PCNX2: variants seen among roughly 807,000 people sequenced by gnomAD.
PCNX2 encodes pecanex 2, also known as pecanex-like protein 2.
In PCNX2, 168 loss-of-function variants were observed where a neutral mutation model predicts 223.8. That is an observed-to-expected ratio of 0.75 (90% CI 0.66 to 0.85). The LOEUF is 0.85. Among genes scored for constraint, PCNX2 ranks in the 40% least tolerant of loss-of-function variants. The pLI is 0.00. For missense variants in PCNX2, 2,507 were observed against 2,675.5 expected, an observed-to-expected ratio of 0.94 and a Z score of 1.39; for synonymous variants, 1,006 against 1,052.6, an observed-to-expected ratio of 0.96 and a Z score of 0.86.
chr1:233,057,343 AAG>A, intron 23 of PCNX2, 53 bp from the exon 24 acceptor site: 5 of 1,434,276 alleles, frequency 3.5e-6, no homozygotes, highest in Non-Finnish European at 4.9e-6. Flanking sequence ...CCCCAAGCAG[AAG>A]AGTTGGTTTA....
the PCNX2 span, among the ~76,000 whole-genome samples, chr1:233,319,797 A>C: frequency 6.6e-6 from 1 of 152,206 alleles, no homozygotes; most frequent in African/African-American, 2.4e-5. Context: ...ACTATCAATC[A>C]CTTCTGTATT....
intron 33 of PCNX2, 78 bp from the exon 34 acceptor site, chr1:232,984,555 C>T (rs1487286906): frequency 6.4e-5 from 95 of 1,482,238 alleles, no homozygotes; most frequent in Non-Finnish European, 6.9e-5. Flanking sequence ...CACCCCCATC[C>T]GTGCTGTGGG....
intron 21 of PCNX2, among the ~76,000 whole-genome samples, chr1:233,096,280 A>G (rs1303312071): frequency 1.3e-5 from 2 of 152,214 alleles, no homozygotes; most frequent in African/African-American, 4.8e-5. Flanking sequence ...CTACTGGAGA[A>G]AATAGCTCCA....
At chr1:233,279,955 C>G (rs1376966323) in intron 1 of PCNX2, among the ~76,000 whole-genome samples, 1 of 152,140 alleles carries the variant, frequency 6.6e-6, no homozygotes, top group Non-Finnish European at 1.5e-5. Flanking sequence ...TAACTATGTT[C>G]TTATTAACGT....
intron 13 of PCNX2, among the ~76,000 whole-genome samples, chr1:233,204,475 A>G (rs1681328110): frequency 6.6e-6 from 1 of 152,140 alleles, no homozygotes; most frequent in African/African-American, 2.4e-5. Context: ...TTTTCTCCCA[A>G]TGTTTTTCTT....
chr1:233,197,949 C>A (rs79651904), intron 15 of PCNX2, among the ~76,000 whole-genome samples: 1 of 151,808 alleles, frequency 6.6e-6, no homozygotes, highest in Non-Finnish European at 1.5e-5. Flanking sequence ...ACTGTTAAAC[C>A]GTAAGTCCAG....
intron 12 of PCNX2, chr1:233,211,935 G>T (rs559987400): frequency 1.2e-3 from 435 of 369,432 alleles, no homozygotes; most frequent in South Asian, 2.6e-3. Context: ...CGAAAACCCA[G>T]ACATTCTCTG....
At chr1:233,002,947 G>A (rs1670140994) in intron 28 of PCNX2, among the ~76,000 whole-genome samples, 1 of 152,194 alleles carries the variant, frequency 6.6e-6, no homozygotes, top group South Asian at 2.1e-4. Context: ...AAACTGGCTA[G>A]CCATACGCAG....
intron 23 of PCNX2, 62 bp downstream of exon 23, chr1:233,089,999 A>T (rs774543671): frequency 3.7e-6 from 6 of 1,607,642 alleles, no homozygotes; most frequent in Non-Finnish European, 5.1e-6. Context: ...AGAGGAAGGC[A>T]GAGGAGCCTT....
At chr1:233,304,164 G>T in the PCNX2 span, among the ~76,000 whole-genome samples, 1 of 152,194 alleles carries the variant, frequency 6.6e-6, no homozygotes, top group African/African-American at 2.4e-5. Context: ...ATTTCCAATA[G>T]AGGTGGAATT....
rs1200231519 is a variant in PCNX2 at position 233,001,564 on chromosome 1, A to G, written c.5070T>C (p.Ala1690=). 3.4e-6 allele frequency: 5 copies of G among 1,480,154 alleles called. No individual in the cohort carries two copies. The highest frequency in any genetic ancestry group is 1.5e-5 in the South Asian group (1 of 68,072). The allele number at this position is 1,480,154 out of a possible 1,614,324, so 91.7% of individuals were successfully genotyped here. ...GGTGAAGTTTCAGGGACATCCTGAT[A>G]GCTGGAGCTACAACTTTATGCAGTA... ...MDLLHKVVAP[A]IRMSLKLHQD... is the part of the protein sequence containing the mutation. The change falls in exon 29 of 34, where the codon GCT becomes GCC. Residue 1690 remains alanine, a synonymous_variant. Transcript: ENST00000258229. The surrounding 1 kb of genome is among the most constrained non-coding windows in gnomAD (Gnocchi z 4.2).
intron 28 of PCNX2, among the ~76,000 whole-genome samples, chr1:233,004,581 T>C (rs971936443): frequency 5.9e-5 from 9 of 152,072 alleles, no homozygotes; most frequent in African/African-American, 1.9e-4. Context: ...ACAGCGTCCC[T>C]GACAGGGCCG....
At chr1:233,188,819 C>T (rs994603012) in intron 15 of PCNX2, among the ~76,000 whole-genome samples, 7 of 152,204 alleles carry the variant, frequency 4.6e-5, no homozygotes, top group African/African-American at 1.4e-4. Flanking sequence ...CCGCACCGGG[C>T]AATCTCCCTT....
At chr1:233,040,217 C>T (rs987821938) in intron 25 of PCNX2, among the ~76,000 whole-genome samples, 6 of 152,154 alleles carry the variant, frequency 3.9e-5, no homozygotes, top group African/African-American at 1.4e-4. Context: ...ACAGATCTCA[C>T]CATGAGAAAA....
chr1:233,143,978 T>C (rs1280480595), intron 19 of PCNX2, among the ~76,000 whole-genome samples: 1 of 152,092 alleles, frequency 6.6e-6, no homozygotes, highest in Non-Finnish European at 1.5e-5. Flanking sequence ...ATTAAAAATA[T>C]ACCCCAAGCC....
chr1:233,171,673 A>G (rs116162338), intron 17 of PCNX2, among the ~76,000 whole-genome samples: 1 of 151,968 alleles, frequency 6.6e-6, no homozygotes, highest in African/African-American at 2.4e-5. Flanking sequence ...TTTTTCTTTA[A>G]TTTACCCTAC....
intron 23 of PCNX2, among the ~76,000 whole-genome samples, chr1:233,071,015 G>C (rs1487519393): frequency 6.6e-6 from 1 of 152,100 alleles, no homozygotes; most frequent in Non-Finnish European, 1.5e-5. Context: ...CAGCCTGGGC[G>C]ACAGAGCAAG....
chr1:233,055,467 A>G (rs1478539455), intron 24 of PCNX2, among the ~76,000 whole-genome samples: 4 of 152,078 alleles, frequency 2.6e-5, no homozygotes, highest in African/African-American at 7.2e-5. Flanking sequence ...TGCATTTCCT[A>G]TATCCTCCCT....
At position 233,161,392 on chromosome 1, in the gene PCNX2, G is replaced by A. The variant is rs749842742; in HGVS notation, c.3274-29C>T. ...GAAAGAGAAAACCAGCGGTAAAGGC[G>A]ACTCTTCATTTCTCTCAGCAACTCT... On this transcript the variant is annotated intron_variant, in intron 17 of 33. Transcript: ENST00000258229. The A allele has an allele frequency of 1.5e-5, 24 of 1,580,618 alleles. No homozygotes were observed. The East Asian group carries it at 2.5e-4, about 16-fold the overall frequency.
Sources: allele counts gnomAD v4.1 joint callset (sites outside exome capture counted in the v4.1 genomes callset), GRCh38; gene constraint gnomAD v4.1.1; non-coding constraint Gnocchi (gnomAD v3.1); transcripts MANE v1.5; gene names NCBI Gene and HGNC (gene_info 2026-07-23, HGNC 2026-07-21).